HIP1R: variants seen among roughly 807,000 people sequenced by gnomAD.
HIP1R encodes the protein huntingtin-interacting protein 1-related protein.
HIP1R carries 135 observed loss-of-function variants against 144.2 expected under a neutral mutation model. The ratio of observed to expected loss-of-function variants is 0.94; its 90% CI spans 0.81 to 1.08. HIP1R has a LOEUF of 1.08. Among genes scored for constraint, HIP1R ranks in the 50% least tolerant of loss-of-function variants. The probability of loss-of-function intolerance (pLI) is 0.00; values close to 1 mark genes in which losing one functional copy is unlikely to be tolerated. For synonymous variants in HIP1R, 698 were observed against 612.8 expected (o/e 1.14, Z -2.05); for missense variants, 1,462 against 1,432.8 (o/e 1.02, Z -0.33).
intron 7 of HIP1R, 44 bp from the exon 8 acceptor site, chr12:122,853,999 A>G (rs2033477216): frequency 6.3e-7 from 1 of 1,595,150 alleles, no homozygotes; most frequent in Non-Finnish European, 8.5e-7. Flanking sequence ...CAGGTTGCCC[A>G]GCTCCCAAGG....
chr12:122,855,941 CGGCCCAGGCAG>C lies in HIP1R; in HGVS notation c.1129-33_1129-23del, dbSNP rs781579007. 5.1e-6 allele frequency: 8 copies of C among 1,568,076 alleles called. No individual in the cohort carries two copies. The South Asian group carries it at 9.4e-5, about 18-fold the overall frequency. The stretch of plus-strand genomic sequence containing the variant: ...GATGGGTGGGGGCCAGGGCCCCTCA[CGGCCCAGGCAG>C]GGCCCCACGTCACACCTCCTCCCGC... On this transcript the variant is annotated intron_variant, in intron 13 of 31. Coordinates refer to ENST00000253083, the MANE Select transcript of HIP1R (RefSeq NM_003959.3).
rs746458127 is a variant in HIP1R at position 122,860,471 on chromosome 12, G to C, written c.2608G>C (p.Glu870Gln). 8 of 1,613,226 alleles carry C rather than the reference G, an allele frequency of 5.0e-6. No homozygotes were observed. Among genetic ancestry groups the C allele is most frequent in the South Asian group, 4.4e-5 (4 of 91,088 alleles). ...EFYAKNSRWT[E>Q]GLISASKAVG... is the part of the protein sequence containing the mutation. ...TTACGCCAAGAACTCGCGCTGGACC[G>C]AAGGCCTCATCTCGGCCTCCAAGGC... The change falls in exon 27 of 32, where the codon GAA becomes CAA. Residue 870 changes from glutamate to glutamine, a missense_variant. Physicochemically the swap from Glu to Gln is conservative, Grantham distance 29. Coordinates refer to ENST00000253083, the MANE Select transcript of HIP1R (RefSeq NM_003959.3).
In HIP1R at chr12:122,855,588, C is replaced by T. The variant is rs536665725; in HGVS notation, c.1031C>T (p.Pro344Leu). 6.5e-7 allele frequency: 1 copy of T among 1,549,780 alleles called. No homozygotes were observed. Among genetic ancestry groups the T allele is most frequent in the African/African-American group, 1.4e-5 (1 of 73,116 alleles). Residue 344 changes from proline to leucine, a missense_variant, in exon 12 of 32, where the codon CCC becomes CTC. Pro to Leu is a moderately conservative substitution (Grantham distance 98). Transcript: ENST00000253083. The stretch of plus-strand genomic sequence containing the variant: ...CTCTTCGATCAGACGTTTGGACCCC[C>T]CAATGGGTCTGTGAAGGACGACAGG... The part of the protein sequence containing the change: ...ADLFDQTFGP[P>L]NGSVKDDRDL...
At chr12:122,860,894 A>ACCCTGACCTCTCGCCCCT (rs1340047582) in intron 28 of HIP1R, 22 bp from the exon 29 acceptor site, 1 of 1,604,444 alleles carries the variant, frequency 6.2e-7, no homozygotes, top group Non-Finnish European at 8.5e-7. Flanking sequence ...ACCTGGGCCC[A>ACCCTGACCTCTCGCCCCT]CCCTGACCTC....
At chr12:122,843,372 T>C in intron 1 of HIP1R, among the ~76,000 whole-genome samples, 1 of 152,214 alleles carries the variant, frequency 6.6e-6, no homozygotes, top group South Asian at 2.1e-4. Flanking sequence ...CGAGGTTCCT[T>C]GTGAACATTA....
intron 24 of HIP1R, 91 bp from the exon 25 acceptor site, chr12:122,859,956 A>T: frequency 6.8e-7 from 1 of 1,460,830 alleles, no homozygotes. Context: ...CTCCCTCCCC[A>T]CCTGCTGAGC....
At chr12:122,858,491 A>G in intron 20 of HIP1R, 56 bp downstream of exon 20, 7 of 1,395,170 alleles carry the variant, frequency 5.0e-6, no homozygotes, top group Non-Finnish European at 4.9e-6. Flanking sequence ...TCCAGCGCCC[A>G]TGGCCACCTC....
rs2033568243 is a variant in HIP1R, at chr12:122,856,161, A to G, written c.1310A>G (p.Glu437Gly). The G allele has an allele frequency of 6.2e-7, 1 of 1,604,586 alleles. No homozygotes were observed. The highest frequency in any genetic ancestry group is 8.5e-7 in the Non-Finnish European group (1 of 1,176,004). ...ERSQGLREEA[E>G]RKASATEARY... ...AGCCAGGGCCTGCGTGAGGAGGCTG[A>G]GAGTACGTGGGGCCTTGGCCACAGG... Residue 437 changes from glutamate (E) to glycine (G), a missense_variant and splice_region_variant, in exon 14 of 32, where the codon GAG becomes GGG. By Grantham distance (98) the Glu-to-Gly change is moderately conservative. Around this residue, in one of 2 missense-constraint regions of HIP1R, gnomAD observed 1,112 missense variants for 1,011.7 expected, o/e 1.10. Transcript: ENST00000253083.
At chr12:122,856,886 C>G (rs1593885328) in intron 17 of HIP1R, 135 bp from the exon 18 acceptor site, 2 of 1,054,550 alleles carry the variant, frequency 1.9e-6, no homozygotes, top group East Asian at 5.2e-5. Context: ...ACAGGACCTA[C>G]CGCTGGTCCT....
In HIP1R at chr12:122,855,397, G is replaced by A. The variant is rs941087386; in HGVS notation, c.985G>A (p.Glu329Lys). The change falls in exon 11 of 32, where the codon GAG becomes AAG. Residue 329 changes from glutamate to lysine, a missense_variant. Coordinates refer to ENST00000253083, the MANE Select transcript of HIP1R (RefSeq NM_003959.3). Reference protein sequence around the residue: ...IEISTGPPAGEPVVVADLFDQ... With the variant: ...IEISTGPPAGKPVVVADLFDQ... ...GATCAGCACAGGGCCCCCCGCGGGGGAGCCAGTGGTGAGCCCCCTGCCCAG... is the reference window on the plus strand; with the variant it reads ...GATCAGCACAGGGCCCCCCGCGGGGAAGCCAGTGGTGAGCCCCCTGCCCAG... 3 of 1,568,092 alleles carry A rather than the reference G, an allele frequency of 1.9e-6. No individual in the cohort carries two copies. The African/African-American group carries it at 4.1e-5, about 21-fold the overall frequency.
chr12:122,847,906 C>T, intron 1 of HIP1R, 125 bp from the exon 2 acceptor site: 1 of 758,002 alleles, frequency 1.3e-6, no homozygotes, highest in Non-Finnish European at 2.1e-6. Flanking sequence ...TCCTGTCTCC[C>T]CCATCGCTCC....
At position 122,862,781 on chromosome 12, in the gene HIP1R, G is replaced by A. The variant is rs578132408; in HGVS notation, c.*1028G>A. The A allele has an allele frequency of 2.6e-4, 40 of 152,210 alleles. No individual in the cohort carries two copies. The highest frequency in any genetic ancestry group is 8.9e-4 in the African/African-American group (37 of 41,520). 9.4% of individuals were successfully genotyped at this position (152,210 alleles called of 1,614,324 possible). ...GAGCCAGCAGCTGCCATGCCCTCCT[G>A]CTCCCCCCACCCCAGCCCTAGCCCT... is the stretch of plus-strand genomic sequence containing the variant. On this transcript the variant is annotated 3_prime_UTR_variant, in exon 32 of 32. Transcript: ENST00000253083.
rs564055924 is a variant in HIP1R, at chr12:122,842,622, G to A, written c.94-5409G>A. On this transcript the variant is annotated intron_variant, in intron 1 of 31. Coordinates refer to ENST00000253083, the MANE Select transcript of HIP1R (RefSeq NM_003959.3). ...GGAGCCTCCTGGGCCACAGGGTGCCGCGGGGTTGGCGTGTGGGGCAGCCGC... is the reference window on the plus strand; with the variant it reads ...GGAGCCTCCTGGGCCACAGGGTGCCACGGGGTTGGCGTGTGGGGCAGCCGC... Among the ~76,000 whole-genome samples the A allele has an allele frequency of 1.3e-4, 20 of 152,314 alleles. 1 individual carries two copies. Among genetic ancestry groups the A allele is most frequent in the African/African-American group, 4.3e-4 (18 of 41,562 alleles).
chr12:122,841,794 C>T (rs1422329544), intron 1 of HIP1R, among the ~76,000 whole-genome samples: 5 of 152,140 alleles, frequency 3.3e-5, no homozygotes, highest in Non-Finnish European at 1.5e-5. Flanking sequence ...AACAGTCCTC[C>T]TACTACTGGG....
chr12:122,849,837 ACGAG>A, intron 4 of HIP1R, 34 bp from the exon 5 acceptor site: 2 of 1,507,672 alleles, frequency 1.3e-6, no homozygotes, highest in Non-Finnish European at 1.8e-6. Flanking sequence ...GGACGTGTTC[ACGAG>A]CCGTGGCCCC....
intron 1 of HIP1R, among the ~76,000 whole-genome samples, chr12:122,841,258 C>T (rs1194768499): frequency 6.6e-6 from 1 of 152,264 alleles, no homozygotes. Flanking sequence ...ATTTGCGCTG[C>T]TTCCACATCT....
At chr12:122,855,639 TG>T (rs1194986454) in intron 12 of HIP1R, 27 bp downstream of exon 12, 3 of 1,548,576 alleles carry the variant, frequency 1.9e-6, no homozygotes, top group African/African-American at 2.7e-5. Context: ...CCGACTGGGC[TG>T]GGGGTGGTTG....
intron 18 of HIP1R, chr12:122,857,491 G>C (rs2033624585): frequency 1.8e-6 from 1 of 555,696 alleles, no homozygotes; most frequent in Non-Finnish European, 3.2e-6. Flanking sequence ...TGGACATTGG[G>C]TTTGTTGCAA....
intron 20 of HIP1R, 21 bp downstream of exon 20, chr12:122,858,456 G>A (rs1566113826): frequency 6.4e-7 from 1 of 1,568,106 alleles, no homozygotes; most frequent in Non-Finnish European, 8.7e-7. Context: ...CCAGGGCAGG[G>A]CGGAGGCGGG....
Sources: gnomAD v4.1 joint callset for allele counts (sites outside exome capture counted in the v4.1 genomes callset) on GRCh38, gnomAD v4.1.1 for gene constraint, gnomAD v4.1.1 regional missense constraint, MANE v1.5 for transcripts, NCBI Gene and HGNC (gene_info 2026-07-23, HGNC 2026-07-21) for gene names.